STAB2: variants seen among roughly 807,000 people sequenced by gnomAD.
The protein encoded by STAB2 is stabilin-2.
A neutral mutation model predicts 338.1 loss-of-function variants in STAB2; 288 were observed. The observed-to-expected ratio is 0.85, with a 90% confidence interval of 0.77 to 0.94. STAB2 has a LOEUF of 0.94. Among genes scored for constraint, STAB2 ranks in the 40% least tolerant of loss-of-function variants. The pLI is 0.00. For synonymous variants in STAB2, 1,202 were observed against 1,193.3 expected (o/e 1.01, Z -0.15); for missense variants, 3,141 against 3,210.1 (o/e 0.98, Z 0.52).
intron 60 of STAB2, among the ~76,000 whole-genome samples, chr12:103,751,465 G>C (rs917810403): frequency 6.6e-6 from 1 of 152,192 alleles, no homozygotes; most frequent in Non-Finnish European, 1.5e-5. Context: ...TCCATCCTGA[G>C]ACCAAATGCA....
chr12:103,631,917 G>A (rs1332615291), intron 6 of STAB2, among the ~76,000 whole-genome samples: 1 of 152,138 alleles, frequency 6.6e-6, no homozygotes, highest in Non-Finnish European at 1.5e-5. Context: ...TGGTGTCAAG[G>A]CTATAGCTGT....
chr12:103,598,929 A>G (rs530486313), intron 3 of STAB2, among the ~76,000 whole-genome samples: 10 of 152,224 alleles, frequency 6.6e-5, no homozygotes, highest in Non-Finnish European at 1.3e-4. Context: ...ATGGGAGCAG[A>G]GGAGTAAAAA....
At chr12:103,738,763 G>A (rs1000712410) in intron 53 of STAB2, among the ~76,000 whole-genome samples, 4 of 152,014 alleles carry the variant, frequency 2.6e-5, no homozygotes, top group Admixed American at 1.3e-4. Context: ...TTTGTGATTG[G>A]CCAAAAGTAT....
In STAB2 at chr12:103,669,932, T is replaced by C. The variant is rs146544654; in HGVS notation, c.2259+305T>C. 6.2e-3 allele frequency among the ~76,000 whole-genome samples: 948 copies of C among 152,294 alleles called. 9 individuals are homozygous for C. Among genetic ancestry groups the C allele is most frequent in the African/African-American group, 0.022 (898 of 41,556 alleles). Reference sequence around the variant, plus strand: ...TGGGAGATATCAGGGTTGACCTGCATTGATCTTCAAGACTCCTTCCAGAAC... The same window carrying C: ...TGGGAGATATCAGGGTTGACCTGCACTGATCTTCAAGACTCCTTCCAGAAC... On this transcript the variant is annotated intron_variant, in intron 21 of 68. Transcript: ENST00000388887.
intron 30 of STAB2, among the ~76,000 whole-genome samples, chr12:103,691,661 A>G (rs1877947918): frequency 2.0e-5 from 3 of 152,232 alleles, no homozygotes; most frequent in African/African-American, 7.2e-5. Context: ...CTACAGATTC[A>G]GAGGTAAATC....
chr12:103,717,883 C>T, intron 44 of STAB2, 42 bp downstream of exon 44: 1 of 1,605,980 alleles, frequency 6.2e-7, no homozygotes, highest in Non-Finnish European at 8.5e-7. Flanking sequence ...AGCCTCAGAG[C>T]CCAGGGTGCC....
intron 5 of STAB2, among the ~76,000 whole-genome samples, chr12:103,626,728 G>A (rs991745851): frequency 8.5e-5 from 13 of 152,328 alleles, no homozygotes; most frequent in Admixed American, 3.3e-4. Context: ...TTGGTCCCGG[G>A]AGGTGGCCAT....
chr12:103,589,768 A>C (rs1956768386), intron 1 of STAB2, among the ~76,000 whole-genome samples: 1 of 152,182 alleles, frequency 6.6e-6, no homozygotes, highest in Non-Finnish European at 1.5e-5. Context: ...GAGAGGAAAC[A>C]GGCACAAAGG....
chr12:103,699,372 ACTGG>A, intron 34 of STAB2, 145 bp downstream of exon 34: 1 of 1,115,202 alleles, frequency 9.0e-7, no homozygotes, highest in Non-Finnish European at 1.2e-6. Context: ...CATAGCCAAG[ACTGG>A]AAAGAAAAAG....
chr12:103,667,872 ATAT>A (rs1488208728), intron 19 of STAB2, among the ~76,000 whole-genome samples: 1 of 152,232 alleles, frequency 6.6e-6, no homozygotes, highest in Non-Finnish European at 1.5e-5. Flanking sequence ...TGTCTCATCA[ATAT>A]TTTCTTGATA....
chr12:103,705,828 C>A, intron 37 of STAB2, 101 bp downstream of exon 37: 1 of 1,078,146 alleles, frequency 9.3e-7, no homozygotes, highest in South Asian at 1.4e-5. Context: ...TGCTTTCTGC[C>A]ATCTCCTCTT....
rs1438681732 is a variant in STAB2, at chr12:103,676,123, A to C, written c.2646+102A>C. The stretch of plus-strand genomic sequence containing the variant: ...GTCGCCCAGGCTGGAGTGCAATGGC[A>C]CAATCTTGGCTCACTGCAACATCCG... On this transcript the variant is annotated intron_variant, in intron 24 of 68. Transcript: ENST00000388887. 5 of 792,168 alleles carry C rather than the reference A, an allele frequency of 6.3e-6. No individual in the cohort carries two copies. The South Asian group carries it at 1.0e-4, about 16-fold the overall frequency. 49.1% of individuals were successfully genotyped at this position (792,168 alleles called of 1,614,324 possible).
intron 5 of STAB2, among the ~76,000 whole-genome samples, chr12:103,626,180 T>C (rs1296461296): frequency 6.6e-6 from 1 of 152,248 alleles, no homozygotes; most frequent in African/African-American, 2.4e-5. Context: ...CTGTTTGCAC[T>C]GTCCCATACA....
chr12:103,688,129 T>C lies in STAB2; in HGVS notation c.2998-39T>C, dbSNP rs149322292. 5,601 of 1,588,956 alleles carry C rather than the reference T, an allele frequency of 3.5e-3. 17 individuals carry two copies. The highest frequency in any genetic ancestry group is 9.8e-3 in the Middle Eastern group (59 of 6,028). The stretch of plus-strand genomic sequence containing the variant: ...CTCATTGTTCTTTCTCTGTGTTCTC[T>C]CCCATCTCTTCTTCCCTCCCTTGCA... On this transcript the variant is annotated intron_variant, in intron 27 of 68. Coordinates refer to ENST00000388887, the MANE Select transcript of STAB2 (RefSeq NM_017564.10).
chr12:103,673,976 G>A lies in STAB2; in HGVS notation c.2441G>A (p.Cys814Tyr), dbSNP rs1312894586. ...DSDGACLTGT[C>Y]RDGSAGRLCD... ...GATGGGGCCTGCCTCACTGGCACAT[G>A]CAGAGACGGCTCTGCCGGGAGACTC... The change falls in exon 23 of 69, where the codon TGC (cysteine) becomes TAC (tyrosine). Residue 814 changes from cysteine to tyrosine, a missense_variant. By Grantham distance (194) the Cys-to-Tyr change is radical. Transcript: ENST00000388887. 1 of 1,614,092 alleles carries A rather than the reference G, an allele frequency of 6.2e-7. No homozygotes were observed.
intron 3 of STAB2, among the ~76,000 whole-genome samples, chr12:103,613,493 G>A (rs181761605): frequency 2.3e-3 from 344 of 152,302 alleles, no homozygotes; most frequent in African/African-American, 7.9e-3. Flanking sequence ...AGCCACGTGC[G>A]GGATATAATC....
At chr12:103,622,183 G>A in intron 5 of STAB2, 72 bp downstream of exon 5, 2 of 1,486,474 alleles carry the variant, frequency 1.3e-6, no homozygotes, top group Non-Finnish European at 1.9e-6. Flanking sequence ...GCTCCTTGAG[G>A]AGAAAACACT....
chr12:103,711,676 A>C (rs1299973424), intron 40 of STAB2, among the ~76,000 whole-genome samples, 160 bp downstream of exon 40: 1 of 152,224 alleles, frequency 6.6e-6, no homozygotes, highest in Non-Finnish European at 1.5e-5. Context: ...TGAAGAGGCC[A>C]CTATCAAATA....
chr12:103,763,595 A>ACGAC lies in STAB2; in HGVS notation c.7594_7597dup (p.Pro2533ArgfsTer7), dbSNP rs1168262032. On this transcript the variant is annotated frameshift_variant, in exon 68 of 69. Transcript: ENST00000388887. LOFTEE classifies it high-confidence loss of function. ...ACCTCAGCTCCCCCAGAACCTTCCT[A>ACGAC]CGACCCCTTCACGGTGAGTTTGCAT... 1 of 1,613,900 alleles carries ACGAC rather than the reference A, an allele frequency of 6.2e-7. No homozygotes were observed. Among genetic ancestry groups the ACGAC allele is most frequent in the South Asian group, 1.1e-5 (1 of 91,058 alleles).
Sources: gnomAD v4.1 joint callset for allele counts (sites outside exome capture counted in the v4.1 genomes callset) on GRCh38, gnomAD v4.1.1 for gene constraint, MANE v1.5 for transcripts, NCBI Gene and HGNC (gene_info 2026-07-23, HGNC 2026-07-21) for gene names.